Variants in VCP observed in about 807,000 individuals in gnomAD.
VCP encodes valosin containing protein, also known as transitional endoplasmic reticulum ATPase.
A neutral mutation model predicts 85.7 loss-of-function variants in VCP; 6 were observed. The observed-to-expected ratio is 0.07, with a 90% CI of 0.04 to 0.14. The LOEUF is 0.14. Among genes scored for constraint, VCP ranks in the 10% least tolerant of loss-of-function variants. The pLI, the probability that VCP is intolerant of heterozygous loss-of-function variation, is 1.00. For missense variants in VCP, 353 were observed against 1,043.4 expected (o/e 0.34, Z 9.12); for synonymous variants, 384 against 367.1 (o/e 1.05, Z -0.53).
chr9:35,065,403 G>A (rs1210837678), intron 4 of VCP, 22 bp from the exon 5 acceptor site: 3 of 1,613,818 alleles, frequency 1.9e-6, no homozygotes, highest in Non-Finnish European at 2.5e-6. Context: ...AACAGTACAA[G>A]CACAGTTAGA....
At position 35,059,022 on chromosome 9, in the gene VCP, C is replaced by G; in HGVS notation, c.2160+42G>C. 1 of 1,612,056 alleles carries G rather than the reference C, an allele frequency of 6.2e-7. No homozygotes were observed. The highest frequency in any genetic ancestry group is 1.7e-4 in the Middle Eastern group (1 of 5,756). On this transcript the variant is annotated intron_variant, in intron 15 of 16. Transcript: ENST00000358901. The surrounding 1 kb of genome is among the most constrained non-coding windows in gnomAD (Gnocchi z 4.9). ...GGGCATGGTGGTGGCTGCTGCCTGGCTCTCCATGATTGGCACATCTGGGGA... is the reference window on the plus strand; with the variant it reads ...GGGCATGGTGGTGGCTGCTGCCTGGGTCTCCATGATTGGCACATCTGGGGA...
chr9:35,062,155 T>C lies in VCP; in HGVS notation c.946-17A>G, dbSNP rs1335518437. 12 of 1,614,148 alleles carry C rather than the reference T, an allele frequency of 7.4e-6. No homozygotes were observed. Among genetic ancestry groups the C allele is most frequent in the Non-Finnish European group, 9.3e-6 (11 of 1,180,042 alleles). On this transcript the variant is annotated splice_polypyrimidine_tract_variant and intron_variant, in intron 8 of 16. Transcript: ENST00000358901. Reference sequence around the variant, plus strand: ...GCCATGAGTCTGCCAGAACAGGATGTCTGGTCAGAAGTGAAGTCAGGGCCT... The same window carrying C: ...GCCATGAGTCTGCCAGAACAGGATGCCTGGTCAGAAGTGAAGTCAGGGCCT...
intron 11 of VCP, 25 bp from the exon 12 acceptor site, chr9:35,060,948 A>T (rs1251021133): frequency 6.2e-7 from 1 of 1,614,066 alleles, no homozygotes; most frequent in African/African-American, 1.3e-5. Context: ...AAAACTGGGG[A>T]TGAGACTTAT....
At chr9:35,062,511 C>G (rs895316927) in intron 7 of VCP, among the ~76,000 whole-genome samples, 161 bp from the exon 8 acceptor site, 10 of 152,194 alleles carry the variant, frequency 6.6e-5, no homozygotes, top group African/African-American at 2.4e-4. Context: ...TATCCCAGGA[C>G]AGCCACCAGG....
At chr9:35,069,142 C>T (rs1828889976) in intron 1 of VCP, among the ~76,000 whole-genome samples, 1 of 152,116 alleles carries the variant, frequency 6.6e-6, no homozygotes. Context: ...GCATAAAGAC[C>T]ATCATATTTG....
intron 7 of VCP, among the ~76,000 whole-genome samples, chr9:35,062,569 G>A (rs1242823169): frequency 1.3e-5 from 2 of 152,116 alleles, no homozygotes; most frequent in Non-Finnish European, 2.9e-5. Context: ...TCTCACAGTT[G>A]AACTGTAAAG....
At position 35,065,254 on chromosome 9, in the gene VCP, T is replaced by G. The variant is rs1828804690; in HGVS notation, c.573A>C (p.Arg191=). 6 of 1,614,014 alleles carry G rather than the reference T, an allele frequency of 3.7e-6. No individual in the cohort carries two copies. Among genetic ancestry groups the G allele is most frequent in the African/African-American group, 1.3e-5 (1 of 74,898 alleles). ...TGGAATCAGGGAGAAAACTCACCTC[T>G]CGTTTGATAGGCTCCCCTTCGCAGT... ...VIHCEGEPIK[R]EDEEESLNEV... The change falls in exon 5 of 17, where the codon CGA becomes CGC. Residue 191 remains arginine (R), a synonymous_variant. Transcript: ENST00000358901.
At chr9:35,061,937 G>T in intron 9 of VCP, 66 bp downstream of exon 9, 3 of 1,612,738 alleles carry the variant, frequency 1.9e-6, no homozygotes, top group South Asian at 2.2e-5. Context: ...AGGATTAGGT[G>T]ACTTAGATGA....
At chr9:35,065,513 C>T in intron 4 of VCP, 132 bp from the exon 5 acceptor site, 1 of 1,134,680 alleles carries the variant, frequency 8.8e-7, no homozygotes, top group South Asian at 1.3e-5. Context: ...CCTACCTCTC[C>T]CCAACTCCAC....
intron 1 of VCP, among the ~76,000 whole-genome samples, chr9:35,070,009 T>C (rs193199323): frequency 3.0e-4 from 46 of 152,248 alleles, no homozygotes; most frequent in Admixed American, 2.7e-3. Context: ...CAAAGAAAAA[T>C]GCTGTGCTCA....
At position 35,059,458 on chromosome 9, in the gene VCP, T is replaced by G; in HGVS notation, c.2004+35A>C. ...CACTCCGTACCAGCCTGAGGACTCA[T>G]GCAAGTCTCCCACAGCCCATGATCT... On this transcript the variant is annotated intron_variant, in intron 14 of 16. Coordinates refer to ENST00000358901, the MANE Select transcript of VCP (RefSeq NM_007126.5). This position sits in a 1 kb window ranked among gnomAD's most constrained non-coding sequence, Gnocchi z 4.9. 6.2e-7 allele frequency: 1 copy of G among 1,612,230 alleles called. No individual in the cohort carries two copies. The highest frequency in any genetic ancestry group is 8.5e-7 in the Non-Finnish European group (1 of 1,179,484).
chr9:35,072,050 C>G (rs975105903), intron 1 of VCP: 1 of 1,251,490 alleles, frequency 8.0e-7, no homozygotes, highest in Admixed American at 4.6e-5. Flanking sequence ...GACGTCCGTT[C>G]TAAGGGAGCC....
Position 35,059,658 on chromosome 9 carries a change from T to G in VCP, c.1839A>C (p.Thr613=), listed in dbSNP as rs77203288. The G allele has an allele frequency of 6.2e-7, 1 of 1,614,154 alleles. No individual in the cohort carries two copies. The highest frequency in any genetic ancestry group is 2.2e-5 in the East Asian group (1 of 44,882). ...CGCCAATGATGAACACATTTTTTTT[T>G]GTGGACATGCCATCCATTTCTGTCA... ...QILTEMDGMS[T]KKNVFIIGAT... is the part of the protein sequence containing the mutation. Residue 613 remains threonine, a synonymous_variant, in exon 14 of 17, where the codon ACA becomes ACC. Coordinates refer to ENST00000358901, the MANE Select transcript of VCP (RefSeq NM_007126.5). The surrounding 1 kb of genome is among the most constrained non-coding windows in gnomAD (Gnocchi z 4.9).
intron 2 of VCP, 90 bp from the exon 3 acceptor site, chr9:35,068,153 T>C: frequency 8.1e-6 from 13 of 1,606,836 alleles, no homozygotes; most frequent in South Asian, 1.1e-5. Context: ...TAAACCCCAC[T>C]CTATCTGCAG....
rs1029123367 is a variant in VCP at position 35,072,266 on chromosome 9, G to A, written c.17+71C>T. ...TCTGACGCGCCCACGGCCAGGCCCCGCCGGGCCTACCCTGCGCGGCTGGTC... is the reference window on the plus strand; with the variant it reads ...TCTGACGCGCCCACGGCCAGGCCCCACCGGGCCTACCCTGCGCGGCTGGTC... On this transcript the variant is annotated intron_variant, in intron 1 of 16. Coordinates refer to ENST00000358901, the MANE Select transcript of VCP (RefSeq NM_007126.5). 11 of 1,480,920 alleles carry A rather than the reference G, an allele frequency of 7.4e-6. No homozygotes were observed. The Admixed American group carries it at 2.2e-4, about 30-fold the overall frequency. 91.7% of individuals were successfully genotyped at this position (1,480,920 alleles called of 1,614,324 possible). A position where few individuals can be genotyped will look rare whatever the true frequency, so the allele number is the denominator to read the frequency against.
At chr9:35,071,771 A>C in intron 1 of VCP, 1 of 988,694 alleles carries the variant, frequency 1.0e-6, no homozygotes, top group Non-Finnish European at 1.2e-6. Flanking sequence ...GGCCCCGCCG[A>C]CCCGGCTCCA....
chr9:35,062,151 G>T lies in VCP; in HGVS notation c.946-13C>A. On this transcript the variant is annotated splice_polypyrimidine_tract_variant and intron_variant, in intron 8 of 16. Coordinates refer to ENST00000358901, the MANE Select transcript of VCP (RefSeq NM_007126.5). ...CCTCGCCATGAGTCTGCCAGAACAG[G>T]ATGTCTGGTCAGAAGTGAAGTCAGG... is the stretch of plus-strand genomic sequence containing the variant. 2 of 1,614,130 alleles carry T rather than the reference G, an allele frequency of 1.2e-6. No homozygotes were observed. Among genetic ancestry groups the T allele is most frequent in the African/African-American group, 2.7e-5 (2 of 75,012 alleles).
At position 35,062,175 on chromosome 9, in the gene VCP, G is replaced by A. The variant is rs1828739346; in HGVS notation, c.946-37C>T. On this transcript the variant is annotated intron_variant, in intron 8 of 16. Coordinates refer to ENST00000358901, the MANE Select transcript of VCP (RefSeq NM_007126.5). ...GGATGTCTGGTCAGAAGTGAAGTCA[G>A]GGCCTTTCAACCCCCCTCTATCCCC... The A allele has an allele frequency of 2.5e-6, 4 of 1,614,006 alleles. No homozygotes were observed. The Admixed American group carries it at 5.0e-5, about 20-fold the overall frequency.
chr9:35,071,249 A>G (rs921095234), intron 1 of VCP, among the ~76,000 whole-genome samples: 2 of 150,756 alleles, frequency 1.3e-5, no homozygotes, highest in Non-Finnish European at 2.9e-5. Context: ...TAATCTCTTC[A>G]AGGAAGGAAG....
Sources: gnomAD v4.1 joint callset for allele counts (sites outside exome capture counted in the v4.1 genomes callset) on GRCh38, gnomAD v4.1.1 for gene constraint, Gnocchi (gnomAD v3.1) non-coding constraint, MANE v1.5 for transcripts, NCBI Gene and HGNC (gene_info 2026-07-23, HGNC 2026-07-21) for gene names.